Variants in STARD8 observed in about 807,000 individuals in gnomAD.
STARD8 encodes the protein StAR related lipid transfer domain containing 8, also known as stAR-related lipid transfer protein 8.
Under a neutral mutation model 69.4 loss-of-function variants are expected in STARD8, and 25 were observed. The observed-to-expected ratio is 0.36, with a 90% CI of 0.26 to 0.50. The LOEUF (loss-of-function observed/expected upper bound fraction) is 0.50. Among genes scored for constraint, STARD8 ranks in the 20% least tolerant of loss-of-function variants. STARD8 has a pLI of 0.96. For missense variants in STARD8, 921 were observed against 932.5 expected, an observed-to-expected ratio of 0.99 and a Z score of 0.16; for synonymous variants, 389 against 374.6, an observed-to-expected ratio of 1.04 and a Z score of -0.45.
Position 68,718,168 on chromosome X carries a change from G to A in STARD8, c.1254G>A (p.Glu418=). Residue 418 remains glutamate (E), a synonymous_variant, in exon 6 of 15, where the codon GAG becomes GAA. Transcript: ENST00000374599. ...ACCCAGACCTGGGGCCTGGAGATGA[G>A]GAAGAGGAGGAGGCCACTTCATCAG... is the stretch of plus-strand genomic sequence containing the variant. ...AMYPDLGPGD[E]EEEEATSSVE... The A allele has an allele frequency of 1.7e-6, 2 of 1,211,839 alleles. No individual in the cohort carries two copies. The highest frequency in any genetic ancestry group is 1.1e-6 in the Non-Finnish European group (1 of 895,515).
chrX:68,718,738 G>C, intron 6 of STARD8, 109 bp downstream of exon 6: 1 of 1,091,757 alleles, frequency 9.2e-7, no homozygotes, highest in Non-Finnish European at 1.2e-6. Flanking sequence ...TGGCGGCTGC[G>C]TTATCCCCTC....
At chrX:68,653,743 CCA>C (rs1344880105) in intron 1 of STARD8, among the ~76,000 whole-genome samples, 13 of 97,318 alleles carry the variant, frequency 1.3e-4, no homozygotes, top group Non-Finnish European at 1.7e-4. Flanking sequence ...ACACCACACG[CCA>C]CACACACACA....
chrX:68,655,866 T>TTGGTGGGCAC, intron 1 of STARD8, among the ~76,000 whole-genome samples: 1 of 111,950 alleles, frequency 8.9e-6, no homozygotes, highest in South Asian at 3.8e-4. Flanking sequence ...GCCAGCGAGA[T>TTGGTGGGCAC]GATGTCTGTA....
intron 2 of STARD8, chrX:68,693,623 C>T: frequency 1.3e-6 from 1 of 754,446 alleles, no homozygotes; most frequent in Non-Finnish European, 1.6e-6. Flanking sequence ...TACTCGCCGA[C>T]GCTCCCTCCC....
rs200773438 is a variant in STARD8 at position 68,717,936 on chromosome X, G to T, written c.1022G>T (p.Arg341Leu). The T allele has an allele frequency of 1.7e-6, 2 of 1,207,554 alleles. No individual in the cohort carries two copies. Among genetic ancestry groups the T allele is most frequent in the African/African-American group, 3.5e-5 (2 of 57,284 alleles). ...QPGRRWGCEG[R>L]RGSCGSTGSH... ...GGTAGGCGGTGGGGCTGTGAGGGGC[G>T]CCGGGGCTCCTGTGGCTCAACGGGC... Residue 341 changes from arginine (R) to leucine (L), a missense_variant, in exon 6 of 15, where the codon CGC (arginine) becomes CTC (leucine). Physicochemically the swap from Arg to Leu is moderately radical, Grantham distance 102. Coordinates refer to ENST00000374599, the MANE Select transcript of STARD8 (RefSeq NM_001142503.3).
chrX:68,674,122 C>T (rs766013065), intron 2 of STARD8, among the ~76,000 whole-genome samples: 2 of 110,067 alleles, frequency 1.8e-5, no homozygotes, highest in African/African-American at 3.3e-5. Flanking sequence ...GGTGAAACCC[C>T]GTCTCTACTA....
At position 68,722,485 on chromosome X, in the gene STARD8, G is replaced by A. The variant is rs199754958; in HGVS notation, c.2638G>A (p.Gly880Ser). ...SYSAAELSPP[G>S]PALAELRQAQ... ...CAGCGCAGCTGAGCTCAGCCCTCCCGGCCCAGCCCTGGCTGAGCTGCGTCA... is the reference window on the plus strand; with the variant it reads ...CAGCGCAGCTGAGCTCAGCCCTCCCAGCCCAGCCCTGGCTGAGCTGCGTCA... The change falls in exon 12 of 15, where the codon GGC (glycine) becomes AGC (serine). Residue 880 changes from glycine to serine, a missense_variant. By Grantham distance (56) the Gly-to-Ser change is moderately conservative (BLOSUM62 0). Coordinates refer to ENST00000374599, the MANE Select transcript of STARD8 (RefSeq NM_001142503.3). The A allele has an allele frequency of 1.7e-4, 208 of 1,209,202 alleles. 1 individual carries two copies. Among genetic ancestry groups the A allele is most frequent in the East Asian group, 8.9e-5 (3 of 33,681 alleles).
intron 1 of STARD8, among the ~76,000 whole-genome samples, chrX:68,658,486 T>A (rs1485928148): frequency 2.7e-5 from 3 of 111,980 alleles, no homozygotes; most frequent in African/African-American, 9.8e-5. Flanking sequence ...ATATTTCACA[T>A]ATACTTCTAT....
Position 68,721,760 on chromosome X carries a change from C to T in STARD8, c.2459+14C>T, listed in dbSNP as rs201955328. 217 of 1,199,464 alleles carry T rather than the reference C, an allele frequency of 1.8e-4. No individual in the cohort carries two copies. The highest frequency in any genetic ancestry group is 3.1e-4 in the Admixed American group (14 of 45,323). On this transcript the variant is annotated intron_variant, in intron 10 of 14. Transcript: ENST00000374599. ...CCCCTCTCCCAGGTGAAATGGTGCACGGCATGTCAGGGCCGGGCTGGGTCC... is the reference window on the plus strand; with the variant it reads ...CCCCTCTCCCAGGTGAAATGGTGCATGGCATGTCAGGGCCGGGCTGGGTCC...
chrX:68,723,555 TG>T, intron 12 of STARD8, 70 bp from the exon 13 acceptor site: 1 of 957,653 alleles, frequency 1.0e-6, no homozygotes, highest in Non-Finnish European at 1.4e-6. Context: ...GTTTGAGGCC[TG>T]GACTTAGGGC....
chrX:68,671,496 A>G (rs886489361), intron 2 of STARD8, among the ~76,000 whole-genome samples: 2 of 113,122 alleles, frequency 1.8e-5, no homozygotes, highest in South Asian at 7.3e-4. Flanking sequence ...GGTCTCACAT[A>G]AACAATGAGT....
intron 1 of STARD8, among the ~76,000 whole-genome samples, chrX:68,649,284 A>G (rs898568689): frequency 9.0e-6 from 1 of 111,522 alleles, no homozygotes; most frequent in African/African-American, 3.3e-5. Context: ...TTCGTGAGCT[A>G]GAGTTTGGAG....
chrX:68,668,089 CT>C (rs1223045484), intron 2 of STARD8, among the ~76,000 whole-genome samples: 1 of 95,397 alleles, frequency 1.0e-5, no homozygotes, highest in Non-Finnish European at 2.1e-5. Flanking sequence ...TTCTTTCTTT[CT>C]TTCTTTCTTT....
chrX:68,691,443 G>C (rs944742160), intron 2 of STARD8, among the ~76,000 whole-genome samples: 2 of 111,753 alleles, frequency 1.8e-5, no homozygotes, highest in Non-Finnish European at 3.8e-5. Flanking sequence ...GGGTTGGCAG[G>C]GGTATTGAAG....
intron 2 of STARD8, among the ~76,000 whole-genome samples, chrX:68,670,094 G>A (rs750445428): frequency 8.9e-6 from 1 of 112,126 alleles, no homozygotes; most frequent in East Asian, 2.8e-4. Context: ...GGGAGCATCT[G>A]GAATTTATTA....
chrX:68,691,121 A>G (rs2079873873), intron 2 of STARD8, among the ~76,000 whole-genome samples: 1 of 111,504 alleles, frequency 9.0e-6, no homozygotes, highest in South Asian at 3.7e-4. Flanking sequence ...ACACACACAC[A>G]CACGCACACA....
chrX:68,697,952 C>T (rs564359243), intron 2 of STARD8, among the ~76,000 whole-genome samples: 4 of 112,481 alleles, frequency 3.6e-5, no homozygotes, highest in African/African-American at 1.3e-4. Context: ...GCCTGGGGTC[C>T]TGCCACTGCT....
intron 1 of STARD8, among the ~76,000 whole-genome samples, chrX:68,653,369 G>A (rs764300214): frequency 2.7e-3 from 7 of 2,579 alleles, no homozygotes; most frequent in African/African-American, 6.0e-3. Context: ...ACCCCCAAAC[G>A]CACACCACAC....
intron 2 of STARD8, among the ~76,000 whole-genome samples, chrX:68,689,935 T>G: frequency 9.0e-6 from 1 of 110,596 alleles, no homozygotes; most frequent in Non-Finnish European, 1.9e-5. Flanking sequence ...CATCTGCCTC[T>G]GCTTGGGCTG....
Sources: gnomAD v4.1 joint callset for allele counts (sites outside exome capture counted in the v4.1 genomes callset) on GRCh38, gnomAD v4.1.1 for gene constraint, MANE v1.5 for transcripts, NCBI Gene and HGNC (gene_info 2026-07-23, HGNC 2026-07-21) for gene names.